SP3: variants seen among roughly 807,000 people sequenced by gnomAD.
The protein encoded by SP3 is transcription factor Sp3.
SP3 carries 10 observed loss-of-function variants against 70.3 expected under a neutral mutation model. That is an observed-to-expected ratio of 0.14 (90% CI 0.09 to 0.24). The LOEUF is 0.24. Among genes scored for constraint, SP3 ranks in the 10% least tolerant of loss-of-function variants. SP3 has a pLI of 1.00. For missense variants in SP3, 825 were observed against 914.6 expected, an observed-to-expected ratio of 0.90 and a Z score of 1.26; for synonymous variants, 402 against 333.5, an observed-to-expected ratio of 1.21 and a Z score of -2.24.
chr2:173,965,534 A>C, upstream of SP3: 1 of 259,968 alleles, frequency 3.8e-6, no homozygotes, highest in South Asian at 5.0e-5. Context: ...CGGCCGTGGC[A>C]GCGTAGGTTT....
chr2:173,921,483 G>A (rs1689752521), intron 4 of SP3, among the ~76,000 whole-genome samples: 1 of 152,116 alleles, frequency 6.6e-6, no homozygotes, highest in Admixed American at 6.6e-5. Context: ...GAACCTAGGA[G>A]TTCAAGACCA....
In SP3 at chr2:173,905,064, T is replaced by C. The variant is rs1379302551; in HGVS notation, c.*4877A>G. Reference sequence around the variant, plus strand: ...TTTAGGTGCTTCAGTCTTTTCTTCTTATTCCATCCTTTTCTGATAGGGCAG... The same window carrying C: ...TTTAGGTGCTTCAGTCTTTTCTTCTCATTCCATCCTTTTCTGATAGGGCAG... On this transcript the variant is annotated 3_prime_UTR_variant, in exon 7 of 7. Coordinates refer to ENST00000310015, the MANE Select transcript of SP3 (RefSeq NM_003111.5). Among the ~76,000 whole-genome samples the C allele has an allele frequency of 6.6e-6, 1 of 152,254 alleles. No homozygotes were observed. The highest frequency in any genetic ancestry group is 1.5e-5 in the Non-Finnish European group (1 of 68,034).
intron 4 of SP3, among the ~76,000 whole-genome samples, chr2:173,931,212 T>A (rs910214892): frequency 3.9e-5 from 6 of 152,324 alleles, no homozygotes; most frequent in South Asian, 4.1e-4. Flanking sequence ...TGCCTCAAAG[T>A]CAATTGCTGC....
chr2:173,954,251 G>C (rs1174766335), intron 4 of SP3, among the ~76,000 whole-genome samples: 2 of 152,120 alleles, frequency 1.3e-5, no homozygotes, highest in East Asian at 1.9e-4. Context: ...GCAGACTTCA[G>C]AAATGTCTAC....
upstream of SP3, chr2:173,965,420 C>T (rs1249711848): frequency 3.7e-6 from 2 of 540,052 alleles, no homozygotes; most frequent in African/African-American, 4.0e-5. Context: ...CATTCGCCGC[C>T]GTGCTCTTTG....
intron 1 of SP3, 48 bp downstream of exon 1, chr2:173,965,117 A>AGCGGCGGCG (rs771317958): frequency 5.2e-6 from 8 of 1,542,208 alleles, no homozygotes; most frequent in South Asian, 1.2e-5. Context: ...GGTCGGCGGC[A>AGCGGCGGCG]GCGGCGGCGG....
chr2:173,915,716 C>T (rs1447338704), intron 5 of SP3: 1 of 151,994 alleles, frequency 6.6e-6, no homozygotes, highest in East Asian at 1.9e-4. Context: ...CCATACAAAA[C>T]CTATATAACA....
chr2:173,929,187 C>A (rs750212119), intron 4 of SP3, among the ~76,000 whole-genome samples: 2 of 152,158 alleles, frequency 1.3e-5, no homozygotes, highest in Non-Finnish European at 2.9e-5. Flanking sequence ...CTTCCACTCA[C>A]ATTTTACTGG....
intron 3 of SP3, among the ~76,000 whole-genome samples, chr2:173,962,788 G>A (rs1292667555): frequency 4.0e-5 from 6 of 151,278 alleles, no homozygotes; most frequent in African/African-American, 9.8e-5. Flanking sequence ...TCAAATGAGG[G>A]TTTTCATTAT....
At chr2:173,935,268 A>G (rs1287097676) in intron 4 of SP3, among the ~76,000 whole-genome samples, 1 of 152,202 alleles carries the variant, frequency 6.6e-6, no homozygotes, top group Non-Finnish European at 1.5e-5. Context: ...CTAACTTATT[A>G]ATGATCAGTC....
chr2:173,927,744 T>C (rs899778273), intron 4 of SP3, among the ~76,000 whole-genome samples: 11 of 152,230 alleles, frequency 7.2e-5, no homozygotes, highest in African/African-American at 2.7e-4. Context: ...CAATTATTTG[T>C]GTATCGCTTT....
rs1689222757 is a variant in SP3 at position 173,903,362 on chromosome 2, A to G, written c.*6579T>C. ...AAAGGTAAAGAGTGAAAGGTCACAT[A>G]GGTGGTAAGCGGCAGAACTGGGAGA... On this transcript the variant is annotated 3_prime_UTR_variant, in exon 7 of 7. Coordinates refer to ENST00000310015, the MANE Select transcript of SP3 (RefSeq NM_003111.5). Among the ~76,000 whole-genome samples, 1 of 152,240 alleles carries G rather than the reference A, an allele frequency of 6.6e-6. No individual in the cohort carries two copies. The highest frequency in any genetic ancestry group is 1.5e-5 in the Non-Finnish European group (1 of 68,048).
rs754463773 is a variant in SP3 at position 173,964,497 on chromosome 2, C to CGCCGCT, written c.58_63dup (p.Ser20_Gly21dup). On this transcript the variant is annotated inframe_insertion, in exon 2 of 7. Coordinates refer to ENST00000310015, the MANE Select transcript of SP3 (RefSeq NM_003111.5). Reference sequence around the variant, plus strand: ...TGGCCGCCGCCGCCGCCACCGCCGCCGCCGCTATCCACGTCCAAGGCAGCC... The same window carrying CGCCGCT: ...TGGCCGCCGCCGCCGCCACCGCCGCCGCCGCTGCCGCTATCCACGTCCAAGGCAGCC... 8.6e-6 allele frequency: 6 copies of CGCCGCT among 700,390 alleles called. No individual in the cohort carries two copies. Among genetic ancestry groups the CGCCGCT allele is most frequent in the South Asian group, 3.0e-5 (2 of 67,006 alleles). The allele number at this position is 700,390 out of a possible 1,614,324, so 43.4% of individuals were successfully genotyped here.
In SP3 at chr2:173,913,276, A is replaced by G; in HGVS notation, c.1833-10T>C. ...CCCAAGATTGGTACCTCTAAAAAAC[A>G]CACATAGAATAATATATACTTATAT... On this transcript the variant is annotated splice_polypyrimidine_tract_variant and intron_variant, in intron 5 of 6. Coordinates refer to ENST00000310015, the MANE Select transcript of SP3 (RefSeq NM_003111.5). 1 of 1,576,340 alleles carries G rather than the reference A, an allele frequency of 6.3e-7. No individual in the cohort carries two copies. The highest frequency in any genetic ancestry group is 8.6e-7 in the Non-Finnish European group (1 of 1,156,824).
At position 173,905,935 on chromosome 2, in the gene SP3, G is replaced by A. The variant is rs111741791; in HGVS notation, c.*4006C>T. On this transcript the variant is annotated 3_prime_UTR_variant, in exon 7 of 7. Coordinates refer to ENST00000310015, the MANE Select transcript of SP3 (RefSeq NM_003111.5). ...GGATTGCTTGAGACCAGTAAGTGGA[G>A]TCTGCAGTAAGCCATGATTGCACCA... Among the ~76,000 whole-genome samples, 6,253 of 152,274 alleles carry A rather than the reference G, an allele frequency of 0.041. 198 individuals carry two copies. The highest frequency in any genetic ancestry group is 0.1 in the Admixed American group (1,599 of 15,304).
chr2:173,954,334 T>C (rs1287854058), intron 4 of SP3, among the ~76,000 whole-genome samples: 2 of 152,202 alleles, frequency 1.3e-5, no homozygotes, highest in Admixed American at 1.3e-4. Context: ...GAATTTTTGG[T>C]CTGGAAGGTC....
At chr2:173,946,745 C>T (rs74997186) in intron 4 of SP3, among the ~76,000 whole-genome samples, 3,056 of 129,814 alleles carry the variant, frequency 0.024, 120 homozygotes, top group African/African-American at 0.083. Flanking sequence ...TTTTTTAAGA[C>T]AGGGCCTCGG....
At chr2:173,957,663 GTAGA>G (rs1690939428) in intron 3 of SP3, among the ~76,000 whole-genome samples, 1 of 152,192 alleles carries the variant, frequency 6.6e-6, no homozygotes, top group South Asian at 2.1e-4. Context: ...ACTTTATCCT[GTAGA>G]TAGTGAGTGA....
intron 4 of SP3, among the ~76,000 whole-genome samples, chr2:173,949,914 T>A (rs1690664189): frequency 6.6e-6 from 1 of 152,206 alleles, no homozygotes; most frequent in South Asian, 2.1e-4. Context: ...GGACTAAAAT[T>A]TGAGAGACTG....
Sources: gnomAD v4.1 joint callset for allele counts (sites outside exome capture counted in the v4.1 genomes callset) on GRCh38, gnomAD v4.1.1 for gene constraint, MANE v1.5 for transcripts, NCBI Gene and HGNC (gene_info 2026-07-23, HGNC 2026-07-21) for gene names.